The following STIM2 variants were observed in gnomAD, a reference collection of about 807,000 sequenced individuals.
The protein encoded by STIM2 is stromal interaction molecule 2.
A neutral mutation model predicts 85.8 loss-of-function variants in STIM2; 31 were observed. That is an observed-to-expected ratio of 0.36 (90% CI 0.27 to 0.49). The LOEUF (loss-of-function observed/expected upper bound fraction) is 0.49, where lower values mean the gene tolerates loss of function less well. Ranked by LOEUF, STIM2 falls within the 20% of genes least tolerant of loss-of-function variation. The pLI is 0.98. For synonymous variants in STIM2, 356 were observed against 331.1 expected, an observed-to-expected ratio of 1.08 and a Z score of -0.82; for missense variants, 841 against 927.6, an observed-to-expected ratio of 0.91 and a Z score of 1.21.
chr4:26,990,727 C>CAA (rs1013500790), intron 3 of STIM2, among the ~76,000 whole-genome samples: 2 of 152,044 alleles, frequency 1.3e-5, no homozygotes, highest in African/African-American at 4.8e-5. Flanking sequence ...ATAAGGAACT[C>CAA]AAACAGCTCA....
intron 3 of STIM2, among the ~76,000 whole-genome samples, chr4:26,971,650 TGTA>T (rs1726958759): frequency 6.6e-6 from 1 of 152,242 alleles, no homozygotes; most frequent in African/African-American, 2.4e-5. Context: ...ACTGTAGCCT[TGTA>T]GTATAGTTTG....
chr4:26,862,835 G>A (rs757864731), intron 1 of STIM2, among the ~76,000 whole-genome samples: 1 of 152,162 alleles, frequency 6.6e-6, no homozygotes, highest in Non-Finnish European at 1.5e-5. Context: ...ACAGTATAGT[G>A]AAGAATAGTG....
intron 3 of STIM2, among the ~76,000 whole-genome samples, chr4:26,985,042 A>T (rs1463321847): frequency 6.6e-6 from 1 of 152,190 alleles, no homozygotes. Context: ...AATTTACTCC[A>T]TGTTACAAAG....
rs554373757 is a variant in STIM2, at chr4:26,963,059, C to CT, written c.397+5334dup. ...AAAAATTTAAAGCAACTGAAATAGTCTGAGAGAAGAAAGATACAGGCACTT... is the reference window on the plus strand; with the variant it reads ...AAAAATTTAAAGCAACTGAAATAGTCTTGAGAGAAGAAAGATACAGGCACTT... On this transcript the variant is annotated intron_variant, in intron 3 of 11. Transcript: ENST00000467087. 1.9e-4 allele frequency among the ~76,000 whole-genome samples: 29 copies of CT among 152,132 alleles called. No individual in the cohort carries two copies. In the East Asian group the frequency reaches 3.1e-3, roughly 16 times the overall value.
intron 3 of STIM2, among the ~76,000 whole-genome samples, chr4:26,966,010 A>G (rs1161831685): frequency 6.6e-6 from 1 of 152,138 alleles, no homozygotes; most frequent in African/African-American, 2.4e-5. Context: ...TTAAGGAGGT[A>G]CTATTCTAAG....
At chr4:26,887,629 T>C (rs988941099) in intron 1 of STIM2, among the ~76,000 whole-genome samples, 1 of 152,222 alleles carries the variant, frequency 6.6e-6, no homozygotes, top group African/African-American at 2.4e-5. Context: ...GGCTATTTTT[T>C]CTCTTAATGT....
In STIM2 at chr4:27,022,699, G is replaced by T; in HGVS notation, c.1944G>T (p.Trp648Cys). Reference sequence around the variant, plus strand: ...CGCCTGTAACTGTGGATGTGTCTTGGGGTTCTCCCGACTGTGTAGGTCTGA... The same window carrying T: ...CGCCTGTAACTGTGGATGTGTCTTGTGGTTCTCCCGACTGTGTAGGTCTGA... Residue 648 changes from tryptophan (W) to cysteine (C), a missense_variant, in exon 12 of 12, where the codon TGG (tryptophan) becomes TGT (cysteine). Around this residue, in one of 3 missense-constraint regions of STIM2, gnomAD observed 293 missense variants for 284.5 expected, o/e 1.03. Transcript: ENST00000467087. 1 of 1,614,166 alleles carries T rather than the reference G, an allele frequency of 6.2e-7. No homozygotes were observed. The highest frequency in any genetic ancestry group is 8.5e-7 in the Non-Finnish European group (1 of 1,180,026).
At position 26,861,284 on chromosome 4, in the gene STIM2, C is replaced by G; in HGVS notation, c.66C>G (p.Leu22=). The change falls in exon 1 of 12, where the codon CTC becomes CTG. Residue 22 remains leucine (L), a synonymous_variant. Coordinates refer to ENST00000467087, the MANE Select transcript of STIM2 (RefSeq NM_020860.4). The stretch of plus-strand genomic sequence containing the variant: ...GATGCGAGCTTGTGCCCCGGCACCT[C>G]CGCGGGCGGCGGGCGACTGGCTCTG... 1 of 1,457,344 alleles carries G rather than the reference C, an allele frequency of 6.9e-7. No homozygotes were observed. Among genetic ancestry groups the G allele is most frequent in the Non-Finnish European group, 9.0e-7 (1 of 1,109,098 alleles). The allele number at this position is 1,457,344 out of a possible 1,614,324, so 90.3% of individuals were successfully genotyped here.
chr4:26,893,772 T>G lies in STIM2; in HGVS notation c.152-25732T>G, dbSNP rs533567005. ...CACGAACATTGGTATTAAACATTCATTTTTTTTTTGAAGTTGAGCATCATT... is the reference window on the plus strand; with the variant it reads ...CACGAACATTGGTATTAAACATTCAGTTTTTTTTTGAAGTTGAGCATCATT... On this transcript the variant is annotated intron_variant, in intron 1 of 11. Transcript: ENST00000467087. Among the ~76,000 whole-genome samples, 56 of 25,290 alleles carry G rather than the reference T, an allele frequency of 2.2e-3. 1 individual carries two copies. The South Asian group carries it at 0.051, about 23-fold the overall frequency. The allele number at this position is 25,290 out of a possible 152,430, so 16.6% of individuals were successfully genotyped here.
intron 2 of STIM2, among the ~76,000 whole-genome samples, chr4:26,932,056 T>A (rs528161336): frequency 6.6e-6 from 1 of 152,328 alleles, no homozygotes; most frequent in South Asian, 2.1e-4. Context: ...TGTACTATGG[T>A]ATGGACTCCT....
rs1328613369 is a variant in STIM2, at chr4:26,955,310, G to A, written c.283-2302G>A. On this transcript the variant is annotated intron_variant, in intron 2 of 11. Transcript: ENST00000467087. ...TGATCCTGAAATCACAGAACTGCAC[G>A]TTTAGATTGTTTGAGTTCATGTAGT... Among the ~76,000 whole-genome samples, 2 of 147,518 alleles carry A rather than the reference G, an allele frequency of 1.4e-5. 1 individual carries two copies. The highest frequency in any genetic ancestry group is 5.2e-5 in the African/African-American group (2 of 38,546).
chr4:26,959,699 G>A (rs986928330), intron 3 of STIM2, among the ~76,000 whole-genome samples: 2 of 150,386 alleles, frequency 1.3e-5, no homozygotes, highest in Non-Finnish European at 3.0e-5. Flanking sequence ...CTATGAGAAT[G>A]TTTGTTTACT....
chr4:26,971,234 G>A (rs1726936468), intron 3 of STIM2, among the ~76,000 whole-genome samples: 1 of 152,136 alleles, frequency 6.6e-6, no homozygotes, highest in Non-Finnish European at 1.5e-5. Context: ...CCCTGCAGAA[G>A]CTCTTTTGTT....
chr4:26,990,789 G>A (rs1332566122), intron 3 of STIM2, among the ~76,000 whole-genome samples: 1 of 151,920 alleles, frequency 6.6e-6, no homozygotes, highest in Non-Finnish European at 1.5e-5. Flanking sequence ...GACCTGAGTA[G>A]GCATAAAGAC....
At chr4:26,970,951 G>A (rs1726925590) in intron 3 of STIM2, among the ~76,000 whole-genome samples, 1 of 152,128 alleles carries the variant, frequency 6.6e-6, no homozygotes, top group Admixed American at 6.5e-5. Flanking sequence ...GGCATGAGAT[G>A]GTATCTCATT....
At chr4:26,988,246 TA>T (rs1332435746) in intron 3 of STIM2, among the ~76,000 whole-genome samples, 1 of 152,178 alleles carries the variant, frequency 6.6e-6, no homozygotes, top group African/African-American at 2.4e-5. Flanking sequence ...ACAATTACGT[TA>T]TGGTATATGA....
Position 26,890,255 on chromosome 4 carries a change from G to C in STIM2, c.151+28886G>C, listed in dbSNP as rs578049101. 2.0e-5 allele frequency among the ~76,000 whole-genome samples: 3 copies of C among 152,298 alleles called. No homozygotes were observed. The East Asian group carries it at 5.8e-4, about 29-fold the overall frequency. ...ACTTCCCCTGAGGTCATAGGTGTGGGCTGGGAGAGAGAAGGGAATGTGGTA... is the reference window on the plus strand; with the variant it reads ...ACTTCCCCTGAGGTCATAGGTGTGGCCTGGGAGAGAGAAGGGAATGTGGTA... On this transcript the variant is annotated intron_variant, in intron 1 of 11. Transcript: ENST00000467087.
At position 26,879,272 on chromosome 4, in the gene STIM2, C is replaced by T. The variant is rs187201429; in HGVS notation, c.151+17903C>T. 5.9e-5 allele frequency among the ~76,000 whole-genome samples: 9 copies of T among 151,856 alleles called. No homozygotes were observed. The East Asian group carries it at 1.2e-3, about 20-fold the overall frequency. Reference sequence around the variant, plus strand: ...TATAGTTTGTACCAAAAATCTCTAACGAGGATTTCATGGTTTCACTTAGTT... The same window carrying T: ...TATAGTTTGTACCAAAAATCTCTAATGAGGATTTCATGGTTTCACTTAGTT... On this transcript the variant is annotated intron_variant, in intron 1 of 11. Transcript: ENST00000467087.
intron 1 of STIM2, among the ~76,000 whole-genome samples, chr4:26,912,722 A>G (rs1057273667): frequency 4.6e-5 from 7 of 152,176 alleles, no homozygotes; most frequent in African/African-American, 9.7e-5. Flanking sequence ...TATCATTTCT[A>G]TAGTTTATAT....
Sources: allele counts gnomAD v4.1 joint callset (sites outside exome capture counted in the v4.1 genomes callset), GRCh38; gene constraint gnomAD v4.1.1; regional missense constraint gnomAD v4.1.1; transcripts MANE v1.5; gene names NCBI Gene and HGNC (gene_info 2026-07-23, HGNC 2026-07-21).